ROBO2: variants seen among roughly 807,000 people sequenced by gnomAD.
ROBO2 encodes the protein roundabout guidance receptor 2, also known as roundabout homolog 2.
In ROBO2, 53 loss-of-function variants were observed where a neutral mutation model predicts 160.8. The ratio of observed to expected loss-of-function variants is 0.33; its 90% CI spans 0.26 to 0.41. The LOEUF (loss-of-function observed/expected upper bound fraction) is 0.41. Among genes scored for constraint, ROBO2 ranks in the 10% least tolerant of loss-of-function variants. The pLI is 1.00. For missense variants in ROBO2, 1,577 were observed against 1,722.4 expected (o/e 0.92, Z 1.49); for synonymous variants, 664 against 611.7 (o/e 1.09, Z -1.26).
chr3:77,307,069 C>A (rs2063158082), intron 2 of ROBO2, among the ~76,000 whole-genome samples: 1 of 152,120 alleles, frequency 6.6e-6, no homozygotes, highest in South Asian at 2.1e-4. Context: ...CAATTACAGC[C>A]TTTAACATGC....
Position 77,209,441 on chromosome 3 carries a change from G to A in ROBO2, c.388+111101G>A, listed in dbSNP as rs560176379. Among the ~76,000 whole-genome samples the A allele has an allele frequency of 3.6e-4, 55 of 152,024 alleles. 2 individuals carry two copies. The South Asian group carries it at 0.011, about 32-fold the overall frequency. On this transcript the variant is annotated intron_variant, in intron 2 of 25. Coordinates refer to ENST00000461745, the Ensembl canonical transcript of ROBO2. ...TTCAATACGTTCAAGGTAAAAAAAA[G>A]CAATAAAATGGAAATGGCAATAAAC...
chr3:76,048,345 T>A (rs1306639739), intron 2 of ROBO2, among the ~76,000 whole-genome samples: 1 of 152,150 alleles, frequency 6.6e-6, no homozygotes, highest in African/African-American at 2.4e-5. Context: ...ATTAAACTTA[T>A]ATTTGTGCAA....
chr3:77,498,119 A>T (rs1390222673), intron 5 of ROBO2, among the ~76,000 whole-genome samples: 4 of 152,158 alleles, frequency 2.6e-5, no homozygotes, highest in Admixed American at 2.6e-4. Flanking sequence ...AACTGTAAAC[A>T]GGAGATTTAA....
intron 24 of ROBO2, among the ~76,000 whole-genome samples, chr3:77,635,921 A>G (rs1370790005): frequency 6.6e-6 from 1 of 152,216 alleles, no homozygotes; most frequent in Non-Finnish European, 1.5e-5. Context: ...GCAAAGTCCA[A>G]GATCAAGGCA....
chr3:76,823,167 G>T (rs972656615), intron 2 of ROBO2, among the ~76,000 whole-genome samples: 4 of 151,956 alleles, frequency 2.6e-5, no homozygotes, highest in African/African-American at 9.7e-5. Context: ...GCCTCTTCAG[G>T]TTGATTTCTT....
chr3:76,996,064 T>G (rs1359151636), intron 2 of ROBO2, among the ~76,000 whole-genome samples: 1 of 152,214 alleles, frequency 6.6e-6, no homozygotes, highest in South Asian at 2.1e-4. Context: ...AGGTTTTCTT[T>G]TAGGGATTTT....
intron 2 of ROBO2, among the ~76,000 whole-genome samples, chr3:76,802,658 G>A (rs1022504025): frequency 6.6e-6 from 1 of 151,638 alleles, no homozygotes; most frequent in Non-Finnish European, 1.5e-5. Flanking sequence ...AACCCAGGAG[G>A]CGGAGCTTGC....
intron 2 of ROBO2, among the ~76,000 whole-genome samples, chr3:76,590,079 A>C (rs1262841518): frequency 6.6e-6 from 1 of 152,138 alleles, no homozygotes; most frequent in African/African-American, 2.4e-5. Context: ...GAACTAAATA[A>C]AAATATATGT....
intron 2 of ROBO2, among the ~76,000 whole-genome samples, chr3:76,851,714 G>T (rs6768124): frequency 1.5e-5 from 2 of 134,790 alleles, no homozygotes; most frequent in Admixed American, 7.3e-5. Context: ...CGCAGTCCGA[G>T]GTGGGCGACA....
At chr3:76,329,221 T>C (rs1259779042) in intron 2 of ROBO2, among the ~76,000 whole-genome samples, 1 of 152,016 alleles carries the variant, frequency 6.6e-6, no homozygotes, top group Non-Finnish European at 1.5e-5. Context: ...GACTTTTTTT[T>C]GTTGTTTTGT....
At chr3:76,221,457 C>T (rs1386812489) in intron 2 of ROBO2, among the ~76,000 whole-genome samples, 1 of 151,924 alleles carries the variant, frequency 6.6e-6, no homozygotes. Context: ...AGCAGTGCCA[C>T]TCTCATTTTA....
chr3:77,006,575 A>C (rs2061592984), intron 2 of ROBO2, among the ~76,000 whole-genome samples: 1 of 152,104 alleles, frequency 6.6e-6, no homozygotes, highest in Non-Finnish European at 1.5e-5. Context: ...ACTACTTGAT[A>C]GGACTGGTAA....
chr3:76,331,800 C>T (rs747629883), intron 2 of ROBO2, among the ~76,000 whole-genome samples: 18 of 151,608 alleles, frequency 1.2e-4, no homozygotes, highest in Admixed American at 4.6e-4. Flanking sequence ...TCTCCTGTCT[C>T]AGCCTCCCAA....
At chr3:76,517,899 T>TA (rs1337205417) in intron 2 of ROBO2, among the ~76,000 whole-genome samples, 2 of 152,164 alleles carry the variant, frequency 1.3e-5, no homozygotes, top group Non-Finnish European at 2.9e-5. Flanking sequence ...AAATTATCCT[T>TA]AAAATTATAT....
intron 2 of ROBO2, among the ~76,000 whole-genome samples, chr3:77,357,470 C>T (rs779085343): frequency 6.6e-6 from 1 of 152,110 alleles, no homozygotes; most frequent in Admixed American, 6.6e-5. Flanking sequence ...CCCTTCTATC[C>T]TGGACTTTCC....
intron 2 of ROBO2, among the ~76,000 whole-genome samples, chr3:77,247,682 G>T (rs1281507953): frequency 2.0e-5 from 3 of 152,150 alleles, no homozygotes; most frequent in African/African-American, 7.2e-5. Context: ...TGACAATTTT[G>T]CAAATGCACG....
At chr3:76,318,962 G>C (rs1279779237) in intron 2 of ROBO2, among the ~76,000 whole-genome samples, 1 of 152,016 alleles carries the variant, frequency 6.6e-6, no homozygotes, top group Non-Finnish European at 1.5e-5. Context: ...TCAAGACTGG[G>C]GATATTTTAG....
intron 2 of ROBO2, among the ~76,000 whole-genome samples, chr3:76,098,123 T>G (rs2069530395): frequency 6.6e-6 from 1 of 152,180 alleles, no homozygotes; most frequent in Non-Finnish European, 1.5e-5. Context: ...TAGGTGTACG[T>G]GTTAATATCA....
chr3:76,321,570 C>G (rs925527335), intron 2 of ROBO2, among the ~76,000 whole-genome samples: 1 of 152,140 alleles, frequency 6.6e-6, no homozygotes, highest in Non-Finnish European at 1.5e-5. Flanking sequence ...AAAGTAACAA[C>G]TTGACTAATG....
Sources: gnomAD v4.1 joint callset for allele counts (sites outside exome capture counted in the v4.1 genomes callset) on GRCh38, gnomAD v4.1.1 for gene constraint, MANE v1.5 for transcripts, NCBI Gene and HGNC (gene_info 2026-07-23, HGNC 2026-07-21) for gene names.